DYM: variants seen among roughly 807,000 people sequenced by gnomAD.
DYM encodes the protein dyggve-Melchior-Clausen syndrome protein.
In DYM, 78 loss-of-function variants were observed where a neutral mutation model predicts 93.1. The ratio of observed to expected loss-of-function variants is 0.84; its 90% CI spans 0.70 to 1.01. The LOEUF (loss-of-function observed/expected upper bound fraction) is 1.01. Ranked by LOEUF, DYM falls within the 50% of genes least tolerant of loss-of-function variation. The pLI is 0.00. For synonymous variants in DYM, 321 were observed against 319.7 expected, an observed-to-expected ratio of 1.00 and a Z score of -0.04; for missense variants, 789 against 845.0, an observed-to-expected ratio of 0.93 and a Z score of 0.82.
chr18:49,339,135 C>T (rs945801848), intron 6 of DYM, among the ~76,000 whole-genome samples: 2 of 152,120 alleles, frequency 1.3e-5, no homozygotes, highest in Non-Finnish European at 2.9e-5. Context: ...AATGTGTTGC[C>T]AGGCATGTGG....
intron 17 of DYM, among the ~76,000 whole-genome samples, chr18:49,076,198 T>A (rs531509442): frequency 2.8e-3 from 434 of 152,322 alleles, no homozygotes; most frequent in African/African-American, 9.9e-3. Context: ...TGTGTATGTG[T>A]GTGTAGAGAT....
chr18:49,211,022 T>A (rs1392215305), intron 13 of DYM, among the ~76,000 whole-genome samples: 1 of 152,164 alleles, frequency 6.6e-6, no homozygotes, highest in Non-Finnish European at 1.5e-5. Context: ...ACTACTACAA[T>A]ATGGAAGAGA....
intron 17 of DYM, among the ~76,000 whole-genome samples, chr18:49,093,528 G>A (rs1435372770): frequency 6.6e-6 from 1 of 152,210 alleles, no homozygotes; most frequent in African/African-American, 2.4e-5. Flanking sequence ...AGCCACATGG[G>A]AGGGCGGCAA....
intron 15 of DYM, among the ~76,000 whole-genome samples, chr18:49,120,388 C>G (rs2082279476): frequency 6.6e-6 from 1 of 152,070 alleles, no homozygotes; most frequent in African/African-American, 2.4e-5. Context: ...AAAAAGATAC[C>G]TACACAAACG....
At chr18:49,183,913 T>C (rs1036321378) in intron 14 of DYM, among the ~76,000 whole-genome samples, 1 of 152,156 alleles carries the variant, frequency 6.6e-6, no homozygotes, top group Non-Finnish European at 1.5e-5. Context: ...TCTGTGCACG[T>C]ACTAAGAAGA....
In DYM at chr18:49,042,237, C is replaced by G. The variant is rs553971320; in HGVS notation, c.*1818G>C. 1 of 153,224 alleles carries G rather than the reference C, an allele frequency of 6.5e-6. No individual in the cohort carries two copies. Among genetic ancestry groups the G allele is most frequent in the African/African-American group, 2.4e-5 (1 of 41,576 alleles). The allele number at this position is 153,224 out of a possible 1,614,324, so 9.5% of individuals were successfully genotyped here. On this transcript the variant is annotated 3_prime_UTR_variant, in exon 18 of 18. Coordinates refer to ENST00000675505, the MANE Select transcript of DYM (RefSeq NM_001353214.3). ...GTGAACACAGGAGTCAGAGTCCCCACTCCAGCAGTGACTGGAGGAGGCCTG... is the reference window on the plus strand; with the variant it reads ...GTGAACACAGGAGTCAGAGTCCCCAGTCCAGCAGTGACTGGAGGAGGCCTG...
intron 2 of DYM, among the ~76,000 whole-genome samples, chr18:49,400,051 C>T (rs1163639944): frequency 1.4e-5 from 2 of 147,986 alleles, no homozygotes; most frequent in African/African-American, 2.5e-5. Context: ...AGCAATCCTC[C>T]TGCCTCAGCC....
chr18:49,146,434 A>ATG (rs2085150091), intron 15 of DYM, among the ~76,000 whole-genome samples: 1 of 152,222 alleles, frequency 6.6e-6, no homozygotes, highest in Admixed American at 6.5e-5. Flanking sequence ...ATGATTGTAT[A>ATG]TCTAGAAAAC....
chr18:49,414,165 G>A (rs982873705), intron 2 of DYM, among the ~76,000 whole-genome samples: 4 of 152,154 alleles, frequency 2.6e-5, no homozygotes, highest in African/African-American at 9.7e-5. Flanking sequence ...AGAAACTGGA[G>A]GGAGAGGATG....
intron 13 of DYM, among the ~76,000 whole-genome samples, chr18:49,218,928 A>G (rs1051664044): frequency 1.3e-5 from 2 of 152,202 alleles, no homozygotes; most frequent in Non-Finnish European, 2.9e-5. Context: ...AAGGAAATAG[A>G]GACACAAAAA....
chr18:49,344,481 C>G (rs776199799), intron 6 of DYM, among the ~76,000 whole-genome samples: 10 of 152,174 alleles, frequency 6.6e-5, no homozygotes, highest in Middle Eastern at 3.4e-3. Flanking sequence ...AATAAAAATA[C>G]AAGATTTAGA....
At chr18:49,212,279 A>G (rs935498393) in intron 13 of DYM, among the ~76,000 whole-genome samples, 5 of 152,160 alleles carry the variant, frequency 3.3e-5, no homozygotes, top group Admixed American at 2.6e-4. Context: ...TTTACTTAAA[A>G]TAGTTTTTAT....
chr18:49,203,768 T>C (rs1348799315), intron 14 of DYM, among the ~76,000 whole-genome samples: 1 of 138,418 alleles, frequency 7.2e-6, no homozygotes. Flanking sequence ...TGTTCACTTG[T>C]TTATCTGCTG....
At chr18:49,417,718 G>C (rs1600095430) in intron 2 of DYM, among the ~76,000 whole-genome samples, 1 of 152,182 alleles carries the variant, frequency 6.6e-6, no homozygotes, top group East Asian at 1.9e-4. Flanking sequence ...TGCATAAAAT[G>C]CAATTCTTCT....
chr18:49,285,969 C>T (rs1463595780), intron 9 of DYM, among the ~76,000 whole-genome samples: 3 of 152,176 alleles, frequency 2.0e-5, no homozygotes, highest in Non-Finnish European at 2.9e-5. Context: ...GCAAGGCTAA[C>T]AGACTGCAGG....
At chr18:49,408,396 C>T (rs1292386972) in intron 2 of DYM, among the ~76,000 whole-genome samples, 3 of 152,182 alleles carry the variant, frequency 2.0e-5, no homozygotes, top group Admixed American at 2.0e-4. Context: ...TGTCTCTCCA[C>T]ATATATTTCT....
chr18:49,046,084 GCACA>G (rs76239241), intron 17 of DYM, among the ~76,000 whole-genome samples: 11,105 of 149,830 alleles, frequency 0.074, 439 homozygotes, highest in Middle Eastern at 0.16. Flanking sequence ...CTGCATGCGC[GCACA>G]CACACACACA....
intron 5 of DYM, among the ~76,000 whole-genome samples, chr18:49,367,374 TC>T (rs2066617349): frequency 6.6e-6 from 1 of 152,134 alleles, no homozygotes; most frequent in Admixed American, 6.6e-5. Flanking sequence ...ATATCTAGGG[TC>T]CCTTAAGGTT....
At chr18:49,433,185 A>G (rs2080497037) in intron 1 of DYM, among the ~76,000 whole-genome samples, 1 of 152,232 alleles carries the variant, frequency 6.6e-6, no homozygotes, top group African/African-American at 2.4e-5. Flanking sequence ...AGAAGAAAGC[A>G]TAGAACTGAC....
Sources: allele counts gnomAD v4.1 joint callset (sites outside exome capture counted in the v4.1 genomes callset), GRCh38; gene constraint gnomAD v4.1.1; transcripts MANE v1.5; gene names NCBI Gene and HGNC (gene_info 2026-07-23, HGNC 2026-07-21).